LRFN2: variants seen among roughly 807,000 people sequenced by gnomAD.
LRFN2 encodes the protein leucine-rich repeat and fibronectin type-III domain-containing protein 2.
Under a neutral mutation model 37.3 loss-of-function variants are expected in LRFN2, and 18 were observed. That is an observed-to-expected ratio of 0.48 (90% confidence interval 0.33 to 0.72). The LOEUF is 0.72. Among genes scored for constraint, LRFN2 ranks in the 30% least tolerant of loss-of-function variants. LRFN2 has a pLI of 0.02. For missense variants in LRFN2, 1,006 were observed against 1,060.7 expected (o/e 0.95, Z 0.72); for synonymous variants, 556 against 466.6 (o/e 1.19, Z -2.47).
chr6:40,422,678 C>T (rs1418824397), intron 2 of LRFN2, among the ~76,000 whole-genome samples: 2 of 152,148 alleles, frequency 1.3e-5, no homozygotes, highest in Admixed American at 6.5e-5. Context: ...TTGATGGCCA[C>T]CACTACAGCA....
intron 2 of LRFN2, among the ~76,000 whole-genome samples, chr6:40,426,027 G>A (rs1448720748): frequency 6.6e-6 from 1 of 152,154 alleles, no homozygotes; most frequent in Non-Finnish European, 1.5e-5. Context: ...AATGGCCTAT[G>A]TCCAGGTCTG....
At chr6:40,548,770 C>G (rs1766711840) in intron 1 of LRFN2, among the ~76,000 whole-genome samples, 1 of 152,196 alleles carries the variant, frequency 6.6e-6, no homozygotes. Flanking sequence ...TTTAGATGCT[C>G]TGCCCTATGA....
intron 1 of LRFN2, among the ~76,000 whole-genome samples, chr6:40,445,865 C>A (rs987743014): frequency 6.6e-6 from 1 of 152,116 alleles, no homozygotes; most frequent in Admixed American, 6.6e-5. Context: ...CCTGTAAAAT[C>A]GAATAATCTT....
chr6:40,578,009 C>G (rs1395481103), intron 1 of LRFN2, among the ~76,000 whole-genome samples: 1 of 151,976 alleles, frequency 6.6e-6, no homozygotes, highest in Admixed American at 6.6e-5. Context: ...TTCTGTGCCC[C>G]CTGAGTGCTC....
At chr6:40,522,217 G>A (rs542555170) in intron 1 of LRFN2, among the ~76,000 whole-genome samples, 1 of 152,172 alleles carries the variant, frequency 6.6e-6, no homozygotes, top group African/African-American at 2.4e-5. Flanking sequence ...TGGGACCGAA[G>A]GCCTACTGAC....
At chr6:40,496,535 C>T (rs967321222) in intron 1 of LRFN2, among the ~76,000 whole-genome samples, 4 of 152,050 alleles carry the variant, frequency 2.6e-5, no homozygotes, top group Non-Finnish European at 4.4e-5. Context: ...AATCTTTGCA[C>T]TGATTAGTCC....
chr6:40,580,637 G>A (rs889151222), intron 1 of LRFN2, among the ~76,000 whole-genome samples: 1 of 152,152 alleles, frequency 6.6e-6, no homozygotes, highest in Non-Finnish European at 1.5e-5. Flanking sequence ...TGAGGTCAGA[G>A]GGCTATAGGA....
chr6:40,452,142 A>G (rs1764125246), intron 1 of LRFN2, among the ~76,000 whole-genome samples: 1 of 152,188 alleles, frequency 6.6e-6, no homozygotes, highest in African/African-American at 2.4e-5. Context: ...GAAGTGTCCA[A>G]TCTTACCACC....
At chr6:40,573,805 C>T (rs1387011066) in intron 1 of LRFN2, among the ~76,000 whole-genome samples, 21 of 152,172 alleles carry the variant, frequency 1.4e-4, no homozygotes, top group Admixed American at 1.4e-3. Context: ...TGGTGAAACC[C>T]CATCTCTACT....
intron 1 of LRFN2, among the ~76,000 whole-genome samples, chr6:40,540,156 A>T (rs1442365469): frequency 1.3e-5 from 2 of 152,000 alleles, no homozygotes; most frequent in Non-Finnish European, 2.9e-5. Flanking sequence ...CTTGGGACAG[A>T]CTCTTAAGTA....
chr6:40,461,251 TA>T (rs547567936), intron 1 of LRFN2, among the ~76,000 whole-genome samples: 1 of 151,546 alleles, frequency 6.6e-6, no homozygotes, highest in Non-Finnish European at 1.5e-5. Flanking sequence ...TACAAAAAAA[TA>T]AAAAACATTA....
chr6:40,577,833 A>T (rs1767325276), intron 1 of LRFN2, among the ~76,000 whole-genome samples: 2 of 109,770 alleles, frequency 1.8e-5, no homozygotes, highest in Non-Finnish European at 4.0e-5. Context: ...ATAAAAATAA[A>T]TAAAAATAAA....
chr6:40,480,341 A>G (rs985648877), intron 1 of LRFN2, among the ~76,000 whole-genome samples: 3 of 152,064 alleles, frequency 2.0e-5, no homozygotes, highest in Admixed American at 1.3e-4. Context: ...GCAGTGGCAC[A>G]ATCATGGCTC....
chr6:40,477,077 G>T (rs964410576), intron 1 of LRFN2, among the ~76,000 whole-genome samples: 2 of 152,182 alleles, frequency 1.3e-5, no homozygotes, highest in African/African-American at 4.8e-5. Context: ...CCACATATTA[G>T]ACTTACAAGG....
intron 1 of LRFN2, among the ~76,000 whole-genome samples, chr6:40,527,809 T>C (rs777849284): frequency 6.6e-6 from 1 of 152,226 alleles, no homozygotes; most frequent in East Asian, 1.9e-4. Context: ...AACTACGTGC[T>C]TATGTTCTAA....
intron 1 of LRFN2, chr6:40,517,160 C>T (rs1054663599): frequency 1.3e-5 from 2 of 152,154 alleles, no homozygotes; most frequent in African/African-American, 4.8e-5. Context: ...CAGTACGTTC[C>T]CCACCCCTAC....
At chr6:40,399,421 C>CT (rs1205601366) in intron 2 of LRFN2, among the ~76,000 whole-genome samples, 1 of 133,884 alleles carries the variant, frequency 7.5e-6, no homozygotes, top group Non-Finnish European at 1.6e-5. Context: ...CTTTCTTTTT[C>CT]TTTTCTTTTT....
intron 1 of LRFN2, among the ~76,000 whole-genome samples, chr6:40,586,344 G>T (rs750015489): frequency 7.3e-5 from 11 of 151,528 alleles, no homozygotes; most frequent in Non-Finnish European, 1.3e-4. Flanking sequence ...GCCCCAAGCT[G>T]CACACACACA....
At chr6:40,481,321 G>A (rs1764825687) in intron 1 of LRFN2, among the ~76,000 whole-genome samples, 1 of 151,866 alleles carries the variant, frequency 6.6e-6, no homozygotes. Flanking sequence ...TGTAATCTCA[G>A]CTACTCAGGA....
Sources: gnomAD v4.1 joint callset for allele counts (sites outside exome capture counted in the v4.1 genomes callset) on GRCh38, gnomAD v4.1.1 for gene constraint, MANE v1.5 for transcripts, NCBI Gene and HGNC (gene_info 2026-07-23, HGNC 2026-07-21) for gene names.